MYO9B: variants seen among roughly 807,000 people sequenced by gnomAD.
MYO9B encodes myosin IXB.
In MYO9B, 71 loss-of-function variants were observed where a neutral mutation model predicts 229.5. The ratio of observed to expected loss-of-function variants is 0.31; its 90% confidence interval spans 0.26 to 0.38. MYO9B has a LOEUF of 0.38. MYO9B is among the 10% of genes least tolerant of loss of function. The pLI, the probability that MYO9B is intolerant of heterozygous loss-of-function variation, is 1.00. For missense variants in MYO9B, 2,255 were observed against 2,920.5 expected, an observed-to-expected ratio of 0.77 and a Z score of 5.25; for synonymous variants, 1,185 against 1,235.8, an observed-to-expected ratio of 0.96 and a Z score of 0.86.
intron 2 of MYO9B, among the ~76,000 whole-genome samples, chr19:17,110,123 C>G (rs1007450679): frequency 1.3e-5 from 2 of 152,140 alleles, no homozygotes; most frequent in Non-Finnish European, 2.9e-5. Flanking sequence ...CTCAGCTCCC[C>G]GAAAGGAGAA....
intron 6 of MYO9B, 51 bp downstream of exon 6, chr19:17,154,466 G>T: frequency 7.1e-7 from 1 of 1,416,070 alleles, no homozygotes; most frequent in Non-Finnish European, 9.8e-7. Context: ...CAGGGGGCAC[G>T]CATGGCCCTT....
At chr19:17,115,295 G>C (rs1183767207) in intron 2 of MYO9B, among the ~76,000 whole-genome samples, 1 of 151,920 alleles carries the variant, frequency 6.6e-6, no homozygotes, top group South Asian at 2.1e-4. Flanking sequence ...GGCATCTTTG[G>C]CACCATGAGT....
chr19:17,205,180 G>A lies in MYO9B; in HGVS notation c.4991-83G>A, dbSNP rs549056221. ...AAAAAAAAAAAAGAAGGCAATTGGC[G>A]GCCCCCGGCCAGCTGGGTGGGTGGC... is the stretch of plus-strand genomic sequence containing the variant. On this transcript the variant is annotated intron_variant, in intron 30 of 39. Transcript: ENST00000682292. The A allele has an allele frequency of 1.1e-3, 1,169 of 1,073,650 alleles. 5 individuals are homozygous for A. Among genetic ancestry groups the A allele is most frequent in the Non-Finnish European group, 1.4e-3 (1,024 of 723,358 alleles). The allele number at this position is 1,073,650 out of a possible 1,614,324, so 66.5% of individuals were successfully genotyped here.
chr19:17,096,155 G>A (rs576813532), intron 1 of MYO9B, among the ~76,000 whole-genome samples: 5 of 152,250 alleles, frequency 3.3e-5, no homozygotes, highest in South Asian at 2.1e-4. Context: ...TCCTGAACTC[G>A]TTGGTTCCTT....
intron 25 of MYO9B, 97 bp from the exon 26 acceptor site, chr19:17,200,542 C>T (rs2073095519): frequency 1.3e-6 from 2 of 1,509,796 alleles, no homozygotes; most frequent in Non-Finnish European, 1.8e-6. Flanking sequence ...GGCACAGAGC[C>T]AGGGGTTTCT....
chr19:17,199,065 G>T (rs1444484946), intron 24 of MYO9B, among the ~76,000 whole-genome samples: 3 of 152,160 alleles, frequency 2.0e-5, no homozygotes, highest in East Asian at 3.9e-4. Context: ...TAGCCAGGCA[G>T]GGCGGTGCAT....
At chr19:17,116,128 C>T (rs1471584221) in intron 2 of MYO9B, among the ~76,000 whole-genome samples, 2 of 152,302 alleles carry the variant, frequency 1.3e-5, no homozygotes, top group East Asian at 3.9e-4. Flanking sequence ...CCTCACAGGG[C>T]TGAACATCAG....
Position 17,194,579 on chromosome 19 carries a change from A to G in MYO9B, c.3152A>G (p.Lys1051Arg). 6.2e-7 allele frequency: 1 copy of G among 1,612,772 alleles called. No homozygotes were observed. Among genetic ancestry groups the G allele is most frequent in the Non-Finnish European group, 8.5e-7 (1 of 1,179,842 alleles). ...AGCTTCAGCCAGATGATCTCGGAGA[A>G]GCAGAAGGCAGAAGAGAAGGAGAGG... is the stretch of plus-strand genomic sequence containing the variant. ...RKSFSQMISE[K>R]QKAEEKEREA... Residue 1051 changes from lysine to arginine, a missense_variant, in exon 22 of 40, where the codon AAG becomes AGG. Coordinates refer to ENST00000682292, the MANE Select transcript of MYO9B (RefSeq NM_004145.4).
intron 14 of MYO9B, among the ~76,000 whole-genome samples, chr19:17,176,264 C>T (rs928642680): frequency 6.6e-6 from 1 of 152,036 alleles, no homozygotes; most frequent in Non-Finnish European, 1.5e-5. Flanking sequence ...TCTTGATCTC[C>T]TGACCTCGTG....
At chr19:17,181,080 C>G in intron 15 of MYO9B, 40 bp downstream of exon 15, 1 of 1,420,792 alleles carries the variant, frequency 7.0e-7, no homozygotes, top group South Asian at 1.2e-5. Context: ...AGTGCGACAA[C>G]CGCCTCCCAC....
intron 14 of MYO9B, chr19:17,178,376 G>A (rs1009755147): frequency 3.9e-5 from 6 of 152,014 alleles, no homozygotes; most frequent in African/African-American, 1.5e-4. Context: ...GCCAAAGCCG[G>A]AGGATCACTT....
intron 2 of MYO9B, among the ~76,000 whole-genome samples, chr19:17,143,261 G>A (rs996662740): frequency 6.6e-6 from 1 of 151,778 alleles, no homozygotes; most frequent in Non-Finnish European, 1.5e-5. Context: ...ACAAACTTGA[G>A]CACCACACAC....
intron 1 of MYO9B, among the ~76,000 whole-genome samples, chr19:17,081,239 G>A (rs1159870290): frequency 6.6e-6 from 1 of 152,094 alleles, no homozygotes; most frequent in African/African-American, 2.4e-5. Context: ...TGTTGACCAG[G>A]CTGGTCTTAA....
chr19:17,115,895 A>G (rs1215647044), intron 2 of MYO9B, among the ~76,000 whole-genome samples: 1 of 152,002 alleles, frequency 6.6e-6, no homozygotes, highest in African/African-American at 2.4e-5. Flanking sequence ...CGTGCCATAG[A>G]CATACATACG....
chr19:17,180,232 C>CAATAAATA (rs80341285), intron 14 of MYO9B, among the ~76,000 whole-genome samples: 67,815 of 146,738 alleles, frequency 0.46, 16,415 homozygotes, highest in East Asian at 0.73. Context: ...GACTCCGTCT[C>CAATAAATA]AATAAATAAA....
At position 17,210,733 on chromosome 19, in the gene MYO9B, C is replaced by T. The variant is rs375301199; in HGVS notation, c.5815C>T (p.Arg1939Trp). The change falls in exon 38 of 40, where the codon CGG becomes TGG. Residue 1939 changes from arginine to tryptophan, a missense_variant. Physicochemically the swap from Arg to Trp is moderately radical, Grantham distance 101. Around this residue, in one of 7 missense-constraint regions of MYO9B, gnomAD observed 331 missense variants for 332.5 expected, o/e 1.00. Coordinates refer to ENST00000682292, the MANE Select transcript of MYO9B (RefSeq NM_004145.4). ...EGVLNKSPKTRDIQEEELEVL... is the reference protein window; with the variant it reads ...EGVLNKSPKTWDIQEEELEVL... The stretch of plus-strand genomic sequence containing the variant: ...GTTTCAGAACAAGAGCCCCAAGACC[C>T]GGGACATCCAGGAGGAGGAGCTGGA... The T allele has an allele frequency of 1.7e-4, 264 of 1,554,514 alleles. No homozygotes were observed. The highest frequency in any genetic ancestry group is 2.2e-4 in the Non-Finnish European group (250 of 1,149,350).
intron 33 of MYO9B, 75 bp downstream of exon 33, chr19:17,206,451 A>G: frequency 6.5e-7 from 1 of 1,550,166 alleles, no homozygotes; most frequent in Non-Finnish European, 8.7e-7. Flanking sequence ...CCAGCCCAGG[A>G]GGCAGGACCA....
chr19:17,078,351 C>T lies in MYO9B; in HGVS notation c.-59+2477C>T, dbSNP rs576048177. ...GGTCAGGAGTTCAAGACCAGCCTGACCAATATGGAGAAACCCTGTCTCCAC... is the reference window on the plus strand; with the variant it reads ...GGTCAGGAGTTCAAGACCAGCCTGATCAATATGGAGAAACCCTGTCTCCAC... On this transcript the variant is annotated intron_variant, in intron 1 of 39. Coordinates refer to ENST00000682292, the MANE Select transcript of MYO9B (RefSeq NM_004145.4). Among the ~76,000 whole-genome samples the T allele has an allele frequency of 2.9e-4, 44 of 152,190 alleles. No individual in the cohort carries two copies. In the South Asian group the frequency reaches 8.7e-3, roughly 30 times the overall value.
intron 2 of MYO9B, among the ~76,000 whole-genome samples, chr19:17,104,836 A>G (rs983122954): frequency 2.0e-5 from 3 of 152,154 alleles, no homozygotes; most frequent in Admixed American, 1.3e-4. Context: ...TCCCACGCCC[A>G]GGTTCTCACA....
Sources: allele counts gnomAD v4.1 joint callset (sites outside exome capture counted in the v4.1 genomes callset), GRCh38; gene constraint gnomAD v4.1.1; regional missense constraint gnomAD v4.1.1; transcripts MANE v1.5; gene names NCBI Gene and HGNC (gene_info 2026-07-23, HGNC 2026-07-21).